The following TMEM267 variants were observed in gnomAD, a reference collection of about 807,000 sequenced individuals.
TMEM267 encodes the protein transmembrane protein 267.
A neutral mutation model predicts 19.3 loss-of-function variants in TMEM267; 20 were observed. That is an observed-to-expected ratio of 1.04 (90% CI 0.73 to 1.51). The LOEUF (loss-of-function observed/expected upper bound fraction) is 1.51. TMEM267 is among the 40% of genes most tolerant of loss of function. The pLI is 0.00. For synonymous variants in TMEM267, 88 were observed against 90.3 expected (o/e 0.97, Z 0.15); for missense variants, 242 against 261.9 (o/e 0.92, Z 0.52).
chr5:43,449,025 CA>C (rs757310131), intron 2 of TMEM267, among the ~76,000 whole-genome samples: 3 of 150,376 alleles, frequency 2.0e-5, no homozygotes, highest in Non-Finnish European at 4.4e-5. Context: ...GGAAAAAAAA[CA>C]AAAACAATCT....
At chr5:43,459,285 T>G (rs1743121210) in intron 1 of TMEM267, among the ~76,000 whole-genome samples, 1 of 152,034 alleles carries the variant, frequency 6.6e-6, no homozygotes, top group African/African-American at 2.4e-5. Flanking sequence ...ATTTGATCAA[T>G]ACAGCAAGAC....
At chr5:43,471,187 A>G (rs1483629286) in intron 1 of TMEM267, among the ~76,000 whole-genome samples, 1 of 152,112 alleles carries the variant, frequency 6.6e-6, no homozygotes, top group Admixed American at 6.5e-5. Context: ...AAGTAATTCC[A>G]CTTATAATAG....
chr5:43,474,273 C>T (rs112938069), intron 1 of TMEM267, among the ~76,000 whole-genome samples: 4 of 152,096 alleles, frequency 2.6e-5, no homozygotes, highest in African/African-American at 7.2e-5. Flanking sequence ...TCTAATTAAA[C>T]GAAAGAGCTT....
chr5:43,482,452 C>T (rs1744843806), intron 1 of TMEM267, among the ~76,000 whole-genome samples: 2 of 152,172 alleles, frequency 1.3e-5, no homozygotes, highest in South Asian at 4.1e-4. Context: ...ATTCCTCCCC[C>T]TACAAATAAA....
intron 1 of TMEM267, among the ~76,000 whole-genome samples, chr5:43,473,767 T>C (rs1425620737): frequency 6.6e-6 from 1 of 152,120 alleles, no homozygotes; most frequent in Non-Finnish European, 1.5e-5. Flanking sequence ...CAACTTTAAA[T>C]TTCACATGGA....
At chr5:43,470,184 C>T (rs1743979117) in intron 1 of TMEM267, among the ~76,000 whole-genome samples, 1 of 152,140 alleles carries the variant, frequency 6.6e-6, no homozygotes, top group Admixed American at 6.6e-5. Context: ...TCTGCCACCT[C>T]AAGGCTGGAG....
intron 1 of TMEM267, among the ~76,000 whole-genome samples, chr5:43,456,875 C>G (rs1423840944): frequency 1.3e-5 from 2 of 152,180 alleles, no homozygotes; most frequent in Non-Finnish European, 2.9e-5. Flanking sequence ...TACCATATAA[C>G]CCAGTCATTC....
chr5:43,464,320 G>A (rs1285939178), intron 1 of TMEM267, among the ~76,000 whole-genome samples: 2 of 151,910 alleles, frequency 1.3e-5, no homozygotes, highest in Non-Finnish European at 2.9e-5. Flanking sequence ...ACAAACAAAC[G>A]GAAGAACATT....
chr5:43,461,632 C>A (rs1743269300), intron 1 of TMEM267, among the ~76,000 whole-genome samples: 1 of 152,044 alleles, frequency 6.6e-6, no homozygotes, highest in Non-Finnish European at 1.5e-5. Flanking sequence ...CCTTAAGGGG[C>A]ATTAGCAGTG....
chr5:43,475,078 G>T (rs895102753), intron 1 of TMEM267, among the ~76,000 whole-genome samples: 1 of 152,178 alleles, frequency 6.6e-6, no homozygotes, highest in African/African-American at 2.4e-5. Context: ...TCATGCACAC[G>T]TATGTTTATT....
intron 2 of TMEM267, among the ~76,000 whole-genome samples, chr5:43,451,309 G>C (rs987994677): frequency 1.3e-5 from 2 of 152,128 alleles, no homozygotes; most frequent in African/African-American, 4.8e-5. Flanking sequence ...ATAATCAATA[G>C]AGTAAACAGA....
chr5:43,459,373 T>C (rs1160617692), intron 1 of TMEM267, among the ~76,000 whole-genome samples: 1 of 152,106 alleles, frequency 6.6e-6, no homozygotes, highest in African/African-American at 2.4e-5. Flanking sequence ...CCAAATAAAA[T>C]ACAAATACCA....
chr5:43,448,147 C>T lies in TMEM267; in HGVS notation c.313-1590G>A, dbSNP rs77194569. Among the ~76,000 whole-genome samples, 1,460 of 152,316 alleles carry T rather than the reference C, an allele frequency of 9.6e-3. 19 individuals are homozygous for T. The highest frequency in any genetic ancestry group is 0.034 in the African/African-American group (1,404 of 41,564). ...ACCCTTGAACAAGGAATCCTATAAA[C>T]CCTCTCCTCAAACGAGTATTCTTTA... On this transcript the variant is annotated intron_variant, in intron 2 of 2. Transcript: ENST00000397080.
chr5:43,481,530 G>T (rs529646660), intron 1 of TMEM267, among the ~76,000 whole-genome samples: 1 of 152,186 alleles, frequency 6.6e-6, no homozygotes, highest in South Asian at 2.1e-4. Context: ...AATTTAAAGC[G>T]ACCTCAACAA....
intron 1 of TMEM267, among the ~76,000 whole-genome samples, chr5:43,479,155 T>C (rs992745153): frequency 1.3e-5 from 2 of 152,000 alleles, no homozygotes; most frequent in African/African-American, 2.4e-5. Context: ...CATTAAAAAA[T>C]ACTTATTCTC....
intron 1 of TMEM267, chr5:43,476,270 G>C (rs962656410): frequency 6.6e-6 from 1 of 152,272 alleles, no homozygotes; most frequent in Non-Finnish European, 1.5e-5. Flanking sequence ...TAGGGTTGGT[G>C]AGAGGCTGAT....
chr5:43,448,754 C>G (rs1742401430), intron 2 of TMEM267, among the ~76,000 whole-genome samples: 1 of 150,732 alleles, frequency 6.6e-6, no homozygotes, highest in African/African-American at 2.4e-5. Flanking sequence ...CCAGCCTGGG[C>G]AATAAGAGTG....
intron 1 of TMEM267, among the ~76,000 whole-genome samples, chr5:43,471,520 T>C (rs1337508057): frequency 6.6e-6 from 1 of 151,650 alleles, no homozygotes; most frequent in Non-Finnish European, 1.5e-5. Context: ...ACTGGAAGAA[T>C]CACATTACCT....
intron 1 of TMEM267, among the ~76,000 whole-genome samples, chr5:43,470,851 C>T (rs74714524): frequency 0.14 from 21,241 of 151,768 alleles, 1,615 homozygotes; most frequent in African/African-American, 0.19. Context: ...CCTAAAGACG[C>T]GACAAGAAAA....
Sources: allele counts gnomAD v4.1 joint callset (sites outside exome capture counted in the v4.1 genomes callset), GRCh38; gene constraint gnomAD v4.1.1; transcripts MANE v1.5; gene names NCBI Gene and HGNC (gene_info 2026-07-23, HGNC 2026-07-21).